Variants in SRGAP3 observed in about 807,000 individuals in gnomAD.
SRGAP3 encodes the protein SLIT-ROBO Rho GTPase activating protein 3, also known as SLIT-ROBO Rho GTPase-activating protein 3.
In SRGAP3, 39 loss-of-function variants were observed where a neutral mutation model predicts 121.1. The ratio of observed to expected loss-of-function variants is 0.32; its 90% CI spans 0.25 to 0.42. SRGAP3 has a LOEUF of 0.42. Ranked by LOEUF, SRGAP3 falls within the 10% of genes least tolerant of loss-of-function variation. The pLI is 1.00. For synonymous variants in SRGAP3, 601 were observed against 570.0 expected, an observed-to-expected ratio of 1.05 and a Z score of -0.77; for missense variants, 1,213 against 1,470.6, an observed-to-expected ratio of 0.82 and a Z score of 2.86.
At chr3:9,263,817 C>G (rs1266934329) in intron 3 of SRGAP3, among the ~76,000 whole-genome samples, 1 of 152,192 alleles carries the variant, frequency 6.6e-6, no homozygotes, top group Non-Finnish European at 1.5e-5. Flanking sequence ...ACCATTTCTT[C>G]TGAAACTATT....
chr3:9,230,942 C>T (rs1316731996), intron 1 of SRGAP3, among the ~76,000 whole-genome samples: 1 of 151,978 alleles, frequency 6.6e-6, no homozygotes, highest in African/African-American at 2.4e-5. Flanking sequence ...TGAGATCGGT[C>T]CCCTGTCTTC....
intron 1 of SRGAP3, among the ~76,000 whole-genome samples, chr3:9,143,078 G>T (rs1031042530): frequency 1.3e-5 from 2 of 151,906 alleles, no homozygotes; most frequent in Admixed American, 6.6e-5. Flanking sequence ...GGGCTCAAGC[G>T]ATCCTCCTGC....
At chr3:9,336,990 C>T (rs772078800) in intron 1 of SRGAP3, among the ~76,000 whole-genome samples, 2 of 151,958 alleles carry the variant, frequency 1.3e-5, no homozygotes, top group Non-Finnish European at 2.9e-5. Context: ...CCTTTCACTC[C>T]CAAGGTGCTA....
intron 3 of SRGAP3, among the ~76,000 whole-genome samples, chr3:9,279,041 A>G (rs1954632017): frequency 6.6e-6 from 1 of 152,170 alleles, no homozygotes; most frequent in Non-Finnish European, 1.5e-5. Context: ...TGGGAGGCTG[A>G]GACACAAGAA....
chr3:9,194,216 A>T (rs1000741084), intron 1 of SRGAP3: 2 of 152,168 alleles, frequency 1.3e-5, no homozygotes, highest in African/African-American at 4.8e-5. Flanking sequence ...ATCCTTTTCC[A>T]ATAGGGTAAT....
intron 3 of SRGAP3, among the ~76,000 whole-genome samples, chr3:9,285,402 T>G (rs1954751064): frequency 6.6e-6 from 1 of 152,178 alleles, no homozygotes; most frequent in South Asian, 2.1e-4. Context: ...CGCTTTTCTC[T>G]TCTAAAGCAG....
intron 1 of SRGAP3, among the ~76,000 whole-genome samples, chr3:9,214,228 T>C (rs1952542691): frequency 6.6e-6 from 1 of 152,110 alleles, no homozygotes; most frequent in Non-Finnish European, 1.5e-5. Context: ...AAATATTTTC[T>C]GAAGGAATTA....
At chr3:9,351,247 G>A (rs750734579) in intron 1 of SRGAP3, among the ~76,000 whole-genome samples, 2 of 152,118 alleles carry the variant, frequency 1.3e-5, no homozygotes, top group Non-Finnish European at 2.9e-5. Context: ...ACCATGAGAA[G>A]AATTGTTGAA....
chr3:9,150,462 C>T (rs1950178180), intron 1 of SRGAP3, among the ~76,000 whole-genome samples: 1 of 152,036 alleles, frequency 6.6e-6, no homozygotes, highest in Admixed American at 6.6e-5. Context: ...ATCATAGAAA[C>T]TTCTTCCATG....
intron 13 of SRGAP3, among the ~76,000 whole-genome samples, chr3:9,025,874 T>C (rs2125069779): frequency 6.6e-6 from 1 of 152,352 alleles, no homozygotes. Context: ...TCCCTATCTC[T>C]GTTTTTCTAT....
chr3:9,340,706 A>G (rs1247557844), intron 1 of SRGAP3, among the ~76,000 whole-genome samples: 1 of 152,098 alleles, frequency 6.6e-6, no homozygotes, highest in African/African-American at 2.4e-5. Context: ...TAAAATGAGT[A>G]CCCAGCCCCA....
chr3:9,195,665 C>T (rs183776343), intron 1 of SRGAP3, among the ~76,000 whole-genome samples: 2 of 152,112 alleles, frequency 1.3e-5, no homozygotes, highest in Non-Finnish European at 2.9e-5. Context: ...TTCTAAAAAA[C>T]TCAACCTAAG....
intron 3 of SRGAP3, among the ~76,000 whole-genome samples, chr3:9,269,053 G>A (rs968756652): frequency 4.6e-5 from 7 of 152,150 alleles, no homozygotes; most frequent in Admixed American, 2.0e-4. Context: ...AGTGTTGGCC[G>A]GAACACGCCC....
intron 1 of SRGAP3, among the ~76,000 whole-genome samples, chr3:9,157,296 C>T (rs1950451013): frequency 6.6e-6 from 1 of 152,072 alleles, no homozygotes; most frequent in Admixed American, 6.6e-5. Flanking sequence ...TTCCAAACAT[C>T]CCAGATCTCA....
intron 13 of SRGAP3, among the ~76,000 whole-genome samples, chr3:9,025,602 T>C (rs1035069803): frequency 6.6e-6 from 1 of 152,226 alleles, no homozygotes; most frequent in Admixed American, 6.5e-5. Context: ...TTTGTATCAA[T>C]ACCTTTCCTT....
chr3:9,085,355 T>C (rs1257081572), intron 3 of SRGAP3, among the ~76,000 whole-genome samples: 2 of 152,226 alleles, frequency 1.3e-5, no homozygotes, highest in Non-Finnish European at 2.9e-5. Flanking sequence ...GCTTCTACAC[T>C]GTTGGTGGGA....
At position 8,980,603 on chromosome 3, in the gene SRGAP3, T is replaced by A; in HGVS notation, c.*4916A>T. The stretch of plus-strand genomic sequence containing the variant: ...CCACTGGAGCATGTTTGAGAAAAGT[T>A]AAGCTGTTTTATTTCACAGGATAGC... On this transcript the variant is annotated 3_prime_UTR_variant, in exon 22 of 22. Coordinates refer to ENST00000383836, the MANE Select transcript of SRGAP3 (RefSeq NM_014850.4). The A allele has an allele frequency of 4.4e-6, 1 of 224,782 alleles. No homozygotes were observed. Among genetic ancestry groups the A allele is most frequent in the Non-Finnish European group, 8.9e-6 (1 of 112,472 alleles). 13.9% of individuals were successfully genotyped at this position (224,782 alleles called of 1,614,324 possible).
intron 18 of SRGAP3, among the ~76,000 whole-genome samples, chr3:9,003,436 G>A (rs766929178): frequency 5.9e-5 from 9 of 151,892 alleles, no homozygotes; most frequent in Non-Finnish European, 1.0e-4. Context: ...CCAAGATTGT[G>A]CCACTGCACT....
chr3:9,124,943 T>C, intron 1 of SRGAP3, 26 bp from the exon 2 acceptor site: 5 of 1,613,326 alleles, frequency 3.1e-6, no homozygotes, highest in Non-Finnish European at 4.2e-6. Context: ...GGTAGGAGCA[T>C]GAGACTGGTG....
Sources: gnomAD v4.1 joint callset for allele counts (sites outside exome capture counted in the v4.1 genomes callset) on GRCh38, gnomAD v4.1.1 for gene constraint, MANE v1.5 for transcripts, NCBI Gene and HGNC (gene_info 2026-07-23, HGNC 2026-07-21) for gene names.